PLEKHA8: variants seen among roughly 807,000 people sequenced by gnomAD.
PLEKHA8 encodes pleckstrin homology domain-containing family A member 8.
Under a neutral mutation model 68.2 loss-of-function variants are expected in PLEKHA8, and 36 were observed. The ratio of observed to expected loss-of-function variants is 0.53; its 90% confidence interval spans 0.40 to 0.70. The LOEUF (loss-of-function observed/expected upper bound fraction) is 0.70, where lower values mean the gene tolerates loss of function less well. Among genes scored for constraint, PLEKHA8 ranks in the 30% least tolerant of loss-of-function variants. The probability of loss-of-function intolerance (pLI) is 0.00; values close to 1 mark genes in which losing one functional copy is unlikely to be tolerated. For missense variants in PLEKHA8, 505 were observed against 615.4 expected, an observed-to-expected ratio of 0.82 and a Z score of 1.90; for synonymous variants, 211 against 216.1, an observed-to-expected ratio of 0.98 and a Z score of 0.20.
chr7:30,125,274 T>C (rs1471889687), intron 13 of PLEKHA8, among the ~76,000 whole-genome samples: 1 of 152,232 alleles, frequency 6.6e-6, no homozygotes, highest in Non-Finnish European at 1.5e-5. Context: ...ATATTCTTAG[T>C]GTAACTATTT....
chr7:30,081,289 T>C lies in PLEKHA8; in HGVS notation c.*2502T>C. 1 of 985,368 alleles carries C rather than the reference T, an allele frequency of 1.0e-6. No individual in the cohort carries two copies. Among genetic ancestry groups the C allele is most frequent in the Non-Finnish European group, 1.2e-6 (1 of 829,878 alleles). 61.0% of individuals were successfully genotyped at this position (985,368 alleles called of 1,614,324 possible). On this transcript the variant is annotated 3_prime_UTR_variant, in exon 14 of 14. Coordinates refer to ENST00000449726, the MANE Select transcript of PLEKHA8 (RefSeq NM_001197026.2). Reference sequence around the variant, plus strand: ...ATTTTCCCCACTGGAGCATATTACGTTTGCCTAAGATGTATAAAAGTTTGT... The same window carrying C: ...ATTTTCCCCACTGGAGCATATTACGCTTGCCTAAGATGTATAAAAGTTTGT...
In PLEKHA8 at chr7:30,081,779, C is replaced by T; in HGVS notation, c.*2992C>T. 5 of 985,272 alleles carry T rather than the reference C, an allele frequency of 5.1e-6. No homozygotes were observed. Among genetic ancestry groups the T allele is most frequent in the Non-Finnish European group, 6.0e-6 (5 of 829,842 alleles). 61.0% of individuals were successfully genotyped at this position (985,272 alleles called of 1,614,324 possible). ...ACAAATAAGTAACATTAGGCTAACCCCTTATGAGACATTTCCACACAATTT... is the reference window on the plus strand; with the variant it reads ...ACAAATAAGTAACATTAGGCTAACCTCTTATGAGACATTTCCACACAATTT... On this transcript the variant is annotated 3_prime_UTR_variant, in exon 14 of 14. Transcript: ENST00000449726.
intron 13 of PLEKHA8, among the ~76,000 whole-genome samples, chr7:30,102,625 A>G (rs924744346): frequency 1.8e-4 from 28 of 152,276 alleles, no homozygotes; most frequent in African/African-American, 6.3e-4. Context: ...ACATGCTGAT[A>G]TGGATGAATC....
At chr7:30,056,761 GTGTGTGTGTGTGTGTGTGTGTGTGTA>G (rs1476062929) in intron 9 of PLEKHA8, among the ~76,000 whole-genome samples, 16 of 130,526 alleles carry the variant, frequency 1.2e-4, no homozygotes, top group Admixed American at 8.1e-4. Context: ...GTGTGTGTGT[GTGTGTGTGTGTGTGTGTGTGTGTGTA>G]TATATATATG....
chr7:30,060,947 G>A lies in PLEKHA8; in HGVS notation c.1098+5G>A. 3 of 1,612,694 alleles carry A rather than the reference G, an allele frequency of 1.9e-6. No homozygotes were observed. Among genetic ancestry groups the A allele is most frequent in the Non-Finnish European group, 2.5e-6 (3 of 1,179,190 alleles). On this transcript the variant is annotated splice_donor_5th_base_variant and intron_variant, in intron 10 of 13. Transcript: ENST00000449726. ...GATCTTGTTGGAAATATTAAGGTGA[G>A]CATACTGGTTTGTCTCTGTGGAAAC...
At chr7:30,031,651 G>A (rs934957282) in intron 1 of PLEKHA8, among the ~76,000 whole-genome samples, 4 of 152,178 alleles carry the variant, frequency 2.6e-5, no homozygotes, top group Admixed American at 6.5e-5. Flanking sequence ...GCATGCATGC[G>A]TCTGTGAGAG....
chr7:30,102,758 C>G (rs539921102), intron 13 of PLEKHA8, among the ~76,000 whole-genome samples: 50 of 152,106 alleles, frequency 3.3e-4, no homozygotes, highest in Non-Finnish European at 6.2e-4. Flanking sequence ...CAGAGATTAC[C>G]AGAGGGCACC....
Position 30,080,235 on chromosome 7 carries a change from T to C in PLEKHA8, c.*1448T>C, listed in dbSNP as rs1794855393. ...CATTGTTTCATAAAACAATATTGAGTGGGCATTCTTCTGCACAGTGTGATG... is the reference window on the plus strand; with the variant it reads ...CATTGTTTCATAAAACAATATTGAGCGGGCATTCTTCTGCACAGTGTGATG... On this transcript the variant is annotated 3_prime_UTR_variant, in exon 14 of 14. Coordinates refer to ENST00000449726, the MANE Select transcript of PLEKHA8 (RefSeq NM_001197026.2). The C allele has an allele frequency of 1.0e-6, 1 of 985,370 alleles. No homozygotes were observed. The allele number at this position is 985,370 out of a possible 1,614,324, so 61.0% of individuals were successfully genotyped here. A position where few individuals can be genotyped will look rare whatever the true frequency, so the allele number is the denominator to read the frequency against.
rs567810918 is a variant in PLEKHA8 at position 30,108,875 on chromosome 7, T to G, written c.1363-20391T>G. 1.8e-4 allele frequency among the ~76,000 whole-genome samples: 28 copies of G among 152,250 alleles called. No individual in the cohort carries two copies. In the South Asian group the frequency reaches 5.8e-3, roughly 32 times the overall value. On this transcript the variant is annotated intron_variant, in intron 13 of 13. Transcript: ENST00000396257. ...TGTGGGGCTTTCACAGCAACTCCAG[T>G]AAACAACAAGCAGTTAAATAGAAAT...
rs1204560555 is a variant in PLEKHA8 at position 30,066,624 on chromosome 7, A to G, written c.1300+3882A>G. 2.0e-5 allele frequency among the ~76,000 whole-genome samples: 3 copies of G among 152,206 alleles called. No homozygotes were observed. The East Asian group carries it at 5.8e-4, about 29-fold the overall frequency. The stretch of plus-strand genomic sequence containing the variant: ...AGAGCTGAGTCCCCCTCTCCATTGC[A>G]TATTCCACATCAGAAAGAGGTTTTG... On this transcript the variant is annotated intron_variant, in intron 12 of 13. Transcript: ENST00000449726.
At chr7:30,046,772 T>G (rs567215070) in intron 3 of PLEKHA8, among the ~76,000 whole-genome samples, 17 of 152,318 alleles carry the variant, frequency 1.1e-4, no homozygotes, top group African/African-American at 4.1e-4. Context: ...TGACCTTTGG[T>G]GAGGAGTAGT....
At chr7:30,108,067 C>CAAAAAAAAAAAAAAAAAAAAAAAAAA (rs796801365) in intron 13 of PLEKHA8, among the ~76,000 whole-genome samples, 2 of 52,826 alleles carry the variant, frequency 3.8e-5, no homozygotes, top group African/African-American at 1.5e-4. Flanking sequence ...AACTCCATCT[C>CAAAAAAAAAAAAAAAAAAAAAAAAAA]AAAAAAAAAA....
At chr7:30,046,176 C>T (rs751574510) in intron 2 of PLEKHA8, 34 bp from the exon 3 acceptor site, 2 of 1,522,424 alleles carry the variant, frequency 1.3e-6, no homozygotes, top group Non-Finnish European at 1.8e-6. Context: ...CAGGGCTCTT[C>T]TGAGTCTCTG....
At chr7:30,076,261 TATA>T (rs1160987586) in intron 13 of PLEKHA8, among the ~76,000 whole-genome samples, 2 of 152,154 alleles carry the variant, frequency 1.3e-5, no homozygotes, top group Admixed American at 1.3e-4. Context: ...TTAGTGTCTG[TATA>T]ATATTTTCCT....
In PLEKHA8 at chr7:30,052,860, A is replaced by G. The variant is rs760815310; in HGVS notation, c.790A>G (p.Ile264Val). The G allele has an allele frequency of 1.8e-5, 29 of 1,572,226 alleles. No individual in the cohort carries two copies. The highest frequency in any genetic ancestry group is 2.3e-5 in the East Asian group (1 of 43,792). The change falls in exon 7 of 14, where the codon ATA becomes GTA. Residue 264 changes from isoleucine (I) to valine (V), a missense_variant. Coordinates refer to ENST00000449726, the MANE Select transcript of PLEKHA8 (RefSeq NM_001197026.2). Reference sequence around the variant, plus strand: ...AAGTGAGGAAAATACAGATGATAATATAACAGGTAAAAACAAAAGTAAAGT... The same window carrying G: ...AAGTGAGGAAAATACAGATGATAATGTAACAGGTAAAAACAAAAGTAAAGT... ...ISSEENTDDN[I>V]TVQGEIRKED...
chr7:30,118,854 A>G (rs1796649804), intron 13 of PLEKHA8, among the ~76,000 whole-genome samples: 1 of 152,224 alleles, frequency 6.6e-6, no homozygotes, highest in South Asian at 2.1e-4. Flanking sequence ...CACGTCTCCC[A>G]TTCATCTGAC....
At chr7:30,038,920 A>G (rs2127964398) in intron 1 of PLEKHA8, among the ~76,000 whole-genome samples, 1 of 152,294 alleles carries the variant, frequency 6.6e-6, no homozygotes. Context: ...TAAAAAAAAA[A>G]AAAGAAATTT....
In PLEKHA8 at chr7:30,062,028, G is replaced by A. The variant is rs1793483316; in HGVS notation, c.1229+1G>A. The A allele has an allele frequency of 6.2e-7, 1 of 1,610,138 alleles. No homozygotes were observed. Among genetic ancestry groups the A allele is most frequent in the Non-Finnish European group, 8.5e-7 (1 of 1,178,936 alleles). On this transcript the variant is annotated splice_donor_variant, in intron 11 of 13. Coordinates refer to ENST00000449726, the MANE Select transcript of PLEKHA8 (RefSeq NM_001197026.2). LOFTEE classifies it high-confidence loss of function. The stretch of plus-strand genomic sequence containing the variant: ...CTGAAGCCCTCTTGTGGCTGAAGAG[G>A]TGAGGCAGCTGGGGTGGGACAGCAG...
chr7:30,119,550 T>C (rs1240546368), intron 13 of PLEKHA8, among the ~76,000 whole-genome samples: 2 of 152,228 alleles, frequency 1.3e-5, no homozygotes, highest in African/African-American at 4.8e-5. Flanking sequence ...GTCTCATTAA[T>C]AAGAGCACTC....
Sources: gnomAD v4.1 joint callset for allele counts (sites outside exome capture counted in the v4.1 genomes callset) on GRCh38, gnomAD v4.1.1 for gene constraint, MANE v1.5 for transcripts, NCBI Gene and HGNC (gene_info 2026-07-23, HGNC 2026-07-21) for gene names.